Variants in IQGAP2 observed in about 807,000 individuals in gnomAD.
IQGAP2 encodes IQ motif containing GTPase activating protein 2.
IQGAP2 carries 173 observed loss-of-function variants against 201.3 expected under a neutral mutation model. That is an observed-to-expected ratio of 0.86 (90% CI 0.76 to 0.98). IQGAP2 has a LOEUF of 0.98. Among genes scored for constraint, IQGAP2 ranks in the 50% least tolerant of loss-of-function variants. IQGAP2 has a pLI of 0.00. For synonymous variants in IQGAP2, 675 were observed against 673.9 expected, an observed-to-expected ratio of 1.00 and a Z score of -0.03; for missense variants, 1,687 against 1,864.8, an observed-to-expected ratio of 0.90 and a Z score of 1.76.
chr5:76,602,394 A>G (rs1429613949), intron 11 of IQGAP2, among the ~76,000 whole-genome samples: 11 of 152,102 alleles, frequency 7.2e-5, no homozygotes, highest in Admixed American at 6.5e-4. Flanking sequence ...TGTCCTCCAC[A>G]TGACATTAGC....
chr5:76,437,278 C>T (rs1029636339), intron 1 of IQGAP2, among the ~76,000 whole-genome samples: 1 of 151,878 alleles, frequency 6.6e-6, no homozygotes, highest in Non-Finnish European at 1.5e-5. Flanking sequence ...GTCTCAAACT[C>T]CTGAGCTCAG....
chr5:76,644,295 C>CATTTTTTTTTTTTTTTTTTTTTTTTT (rs1751838696), intron 17 of IQGAP2, among the ~76,000 whole-genome samples: 1 of 47,778 alleles, frequency 2.1e-5, no homozygotes, highest in African/African-American at 7.2e-5. Flanking sequence ...TTTGTAAATC[C>CATTTTTTTTTTTTTTTTTTTTTTTTT]TTTTTTTTTT....
chr5:76,677,432 G>A lies in IQGAP2; in HGVS notation c.3660+82G>A, dbSNP rs1053672953. On this transcript the variant is annotated intron_variant, in intron 28 of 35. Coordinates refer to ENST00000274364, the MANE Select transcript of IQGAP2 (RefSeq NM_006633.5). Reference sequence around the variant, plus strand: ...TCTTGAAAATGCTTAATCTCTACAGGACTTATTGTACACATGTGCTAATAC... The same window carrying A: ...TCTTGAAAATGCTTAATCTCTACAGAACTTATTGTACACATGTGCTAATAC... The A allele has an allele frequency of 2.2e-6, 3 of 1,334,998 alleles. No individual in the cohort carries two copies. In the South Asian group the frequency reaches 4.1e-5, roughly 18 times the overall value. 82.7% of individuals were successfully genotyped at this position (1,334,998 alleles called of 1,614,324 possible).
intron 2 of IQGAP2, among the ~76,000 whole-genome samples, chr5:76,556,348 G>C: frequency 6.6e-6 from 1 of 152,140 alleles, no homozygotes; most frequent in African/African-American, 2.4e-5. Context: ...GAGAAGGGAA[G>C]ATGGAGCCGC....
rs557800054 is a variant in IQGAP2 at position 76,669,442 on chromosome 5, G to A, written c.2843+598G>A. Among the ~76,000 whole-genome samples, 30 of 152,270 alleles carry A rather than the reference G, an allele frequency of 2.0e-4. 2 individuals carry two copies. Among genetic ancestry groups the A allele is most frequent in the African/African-American group, 6.5e-4 (27 of 41,544 alleles). On this transcript the variant is annotated intron_variant, in intron 23 of 35. Transcript: ENST00000274364. ...TGTAAGCCCACGAGACATGTGATTC[G>A]TGAGAAATAGGAATGCTATGCAGTG... is the stretch of plus-strand genomic sequence containing the variant.
Position 76,403,673 on chromosome 5 carries a change from C to T in IQGAP2, c.46+82C>T. The T allele has an allele frequency of 2.4e-6, 3 of 1,226,018 alleles. No homozygotes were observed. In the Admixed American group the frequency reaches 1.0e-4, roughly 42 times the overall value. The allele number at this position is 1,226,018 out of a possible 1,614,324, so 75.9% of individuals were successfully genotyped here. On this transcript the variant is annotated intron_variant, in intron 1 of 35. Coordinates refer to ENST00000274364, the MANE Select transcript of IQGAP2 (RefSeq NM_006633.5). The surrounding 1 kb of genome is among the most constrained non-coding windows in gnomAD (Gnocchi z 4.8). Reference sequence around the variant, plus strand: ...GACGGCGTTGGAGAAGCCGAGGGAGCCGGTTGCGCGGCGCAGAGGAAATTG... The same window carrying T: ...GACGGCGTTGGAGAAGCCGAGGGAGTCGGTTGCGCGGCGCAGAGGAAATTG...
At chr5:76,415,919 TG>T (rs1462185153) in intron 1 of IQGAP2, among the ~76,000 whole-genome samples, 2 of 144,604 alleles carry the variant, frequency 1.4e-5, no homozygotes, top group African/African-American at 5.4e-5. Flanking sequence ...CACTCCAGCC[TG>T]GGCAACAGAG....
chr5:76,573,625 T>A (rs111537586), intron 4 of IQGAP2, among the ~76,000 whole-genome samples: 149 of 152,294 alleles, frequency 9.8e-4, no homozygotes, highest in African/African-American at 3.3e-3. Flanking sequence ...TTTTTGTTGT[T>A]TTTTGAGACG....
chr5:76,487,320 A>C (rs1169091414), intron 2 of IQGAP2, among the ~76,000 whole-genome samples: 1 of 152,106 alleles, frequency 6.6e-6, no homozygotes, highest in Non-Finnish European at 1.5e-5. Context: ...GCTGGTCTCA[A>C]ACTCCTGACC....
At chr5:76,491,388 C>G (rs1427581101) in intron 2 of IQGAP2, among the ~76,000 whole-genome samples, 1 of 152,050 alleles carries the variant, frequency 6.6e-6, no homozygotes, top group Non-Finnish European at 1.5e-5. Flanking sequence ...GTGAGTTGTG[C>G]TAAATAGAAT....
intron 2 of IQGAP2, among the ~76,000 whole-genome samples, chr5:76,543,829 T>C (rs1040553898): frequency 6.6e-6 from 1 of 152,218 alleles, no homozygotes; most frequent in Non-Finnish European, 1.5e-5. Context: ...TTTTTTGTTT[T>C]TGTTTTTGTT....
Position 76,494,670 on chromosome 5 carries a change from T to G in IQGAP2, c.146+33001T>G, listed in dbSNP as rs191921318. ...TTTTTAGTTTTTTGTTGTTGTTGTT[T>G]TTTGTTTTGTTTTGTTTTGTTTTGT... On this transcript the variant is annotated intron_variant, in intron 2 of 35. Coordinates refer to ENST00000274364, the MANE Select transcript of IQGAP2 (RefSeq NM_006633.5). Among the ~76,000 whole-genome samples, 66 of 146,350 alleles carry G rather than the reference T, an allele frequency of 4.5e-4. 1 individual carries two copies. The South Asian group carries it at 0.013, about 28-fold the overall frequency.
chr5:76,553,094 C>T lies in IQGAP2; in HGVS notation c.147-9302C>T, dbSNP rs529978317. ...CAGGGTGGGTTCCTACAGCCACGTT[C>T]CCCTGGGCTAATAAGGCTAATGGAA... On this transcript the variant is annotated intron_variant, in intron 2 of 35. Transcript: ENST00000274364. Among the ~76,000 whole-genome samples the T allele has an allele frequency of 9.0e-4, 137 of 152,238 alleles. 2 individuals are homozygous for T. Among genetic ancestry groups the T allele is most frequent in the African/African-American group, 3.2e-3 (131 of 41,528 alleles).
intron 2 of IQGAP2, among the ~76,000 whole-genome samples, chr5:76,516,038 GATA>G (rs539236560): frequency 1.3e-5 from 2 of 151,912 alleles, no homozygotes; most frequent in Admixed American, 1.3e-4. Flanking sequence ...ACCATGCCTG[GATA>G]ATGTTTGTGT....
Position 76,543,305 on chromosome 5 carries a change from C to G in IQGAP2, c.147-19091C>G, listed in dbSNP as rs1026125722. Among the ~76,000 whole-genome samples, 41 of 152,164 alleles carry G rather than the reference C, an allele frequency of 2.7e-4. 1 individual carries two copies. The highest frequency in any genetic ancestry group is 5.6e-4 in the Non-Finnish European group (38 of 68,034). ...TGTTCCCTCAAACCTTCGCATGACA[C>G]CCCTTGTGGTTTTCAGCCCGTCTCT... On this transcript the variant is annotated intron_variant, in intron 2 of 35. Transcript: ENST00000274364.
In IQGAP2 at chr5:76,637,080, T is replaced by C. The variant is rs150366195; in HGVS notation, c.1827T>C (p.Tyr609=). The C allele has an allele frequency of 3.1e-6, 5 of 1,611,706 alleles. No individual in the cohort carries two copies. Among genetic ancestry groups the C allele is most frequent in the Non-Finnish European group, 4.2e-6 (5 of 1,178,434 alleles). Reference sequence around the variant, plus strand: ...TCAAACTCAACCTGCACAAAAAATATGACTACTATTACAACACTGATTCAA... The same window carrying C: ...TCAAACTCAACCTGCACAAAAAATACGACTACTATTACAACACTGATTCAA... ...SWLKLNLHKK[Y]DYYYNTDSKE... Residue 609 remains tyrosine, a synonymous_variant, in exon 16 of 36, where the codon TAT becomes TAC. Coordinates refer to ENST00000274364, the MANE Select transcript of IQGAP2 (RefSeq NM_006633.5).
At chr5:76,456,300 G>A (rs185047475) in intron 1 of IQGAP2, among the ~76,000 whole-genome samples, 9 of 152,256 alleles carry the variant, frequency 5.9e-5, no homozygotes, top group Admixed American at 4.6e-4. Flanking sequence ...CTGTGAATAC[G>A]TATTGGTTTA....
chr5:76,590,383 TTC>T (rs750627646), intron 7 of IQGAP2, 23 bp from the exon 8 acceptor site: 177 of 1,546,422 alleles, frequency 1.1e-4, no homozygotes, highest in South Asian at 1.8e-4. Context: ...AAAAACCTTT[TTC>T]TCTCTCTCTC....
At chr5:76,600,135 C>G (rs1483272427) in intron 10 of IQGAP2, among the ~76,000 whole-genome samples, 1 of 151,950 alleles carries the variant, frequency 6.6e-6, no homozygotes, top group Non-Finnish European at 1.5e-5. Flanking sequence ...GCAACAAGAG[C>G]CAAACTCCAT....
Sources: gnomAD v4.1 joint callset for allele counts (sites outside exome capture counted in the v4.1 genomes callset) on GRCh38, gnomAD v4.1.1 for gene constraint, Gnocchi (gnomAD v3.1) non-coding constraint, MANE v1.5 for transcripts, NCBI Gene and HGNC (gene_info 2026-07-23, HGNC 2026-07-21) for gene names.